The following WASF2 variants were observed in gnomAD, a reference collection of about 807,000 sequenced individuals.
WASF2 encodes the protein actin-binding protein WASF2.
Under a neutral mutation model 45.0 loss-of-function variants are expected in WASF2, and 14 were observed. The observed-to-expected ratio is 0.31, with a 90% CI of 0.21 to 0.49. The LOEUF is 0.49. WASF2 is among the 20% of genes least tolerant of loss of function. The pLI, the probability that WASF2 is intolerant of heterozygous loss-of-function variation, is 0.99. For synonymous variants in WASF2, 200 were observed against 236.3 expected, an observed-to-expected ratio of 0.85 and a Z score of 1.41; for missense variants, 439 against 636.1, an observed-to-expected ratio of 0.69 and a Z score of 3.33.
intron 1 of WASF2, among the ~76,000 whole-genome samples, chr1:27,441,032 A>G (rs916403292): frequency 6.6e-6 from 1 of 151,322 alleles, no homozygotes; most frequent in African/African-American, 2.4e-5. Context: ...ACGCTCAGCT[A>G]ATTTTTTGTA....
intron 2 of WASF2, among the ~76,000 whole-genome samples, chr1:27,427,856 G>A (rs1340496383): frequency 6.6e-6 from 1 of 152,086 alleles, no homozygotes; most frequent in Non-Finnish European, 1.5e-5. Context: ...ATGGCATTTT[G>A]ACGGAGGTTC....
At chr1:27,472,123 G>A (rs1185587904) in intron 1 of WASF2, among the ~76,000 whole-genome samples, 1 of 152,060 alleles carries the variant, frequency 6.6e-6, no homozygotes, top group East Asian at 1.9e-4. Context: ...ACGAGGTCAG[G>A]AGATGGAGAC....
At chr1:27,467,938 A>AT (rs894539760) in intron 1 of WASF2, among the ~76,000 whole-genome samples, 110 of 144,142 alleles carry the variant, frequency 7.6e-4, no homozygotes, top group Middle Eastern at 3.5e-3. Context: ...GTGCCAAATA[A>AT]TTTTTTTTTT....
chr1:27,473,991 G>C (rs374237536), intron 1 of WASF2, among the ~76,000 whole-genome samples: 1 of 152,178 alleles, frequency 6.6e-6, no homozygotes, highest in East Asian at 1.9e-4. Context: ...TGTGATGCGG[G>C]AGGAAACCAG....
intron 1 of WASF2, among the ~76,000 whole-genome samples, chr1:27,467,387 G>A (rs1320001947): frequency 2.1e-4 from 31 of 148,100 alleles, no homozygotes; most frequent in South Asian, 2.1e-4. Context: ...TGCAAGCTCC[G>A]CCTCCCGGGT....
In WASF2 at chr1:27,418,415, C is replaced by T. The variant is rs2016855611; in HGVS notation, c.273G>A (p.Leu91=). ...AGGCTTTTCGGGTGTTGATTCCTTG[C>T]AGTGACACTGAGAGAAGATGGAAGG... ...QLDPKEEEVS[L]QGINTRKAFR... is the part of the protein sequence containing the mutation. The change falls in exon 4 of 9, where the codon CTG becomes CTA. Residue 91 remains leucine (L), a synonymous_variant. Coordinates refer to ENST00000618852, the MANE Select transcript of WASF2 (RefSeq NM_006990.5). 1 of 1,614,196 alleles carries T rather than the reference C, an allele frequency of 6.2e-7. No individual in the cohort carries two copies. The highest frequency in any genetic ancestry group is 2.2e-5 in the East Asian group (1 of 44,882).
At chr1:27,418,867 GTTT>G in intron 3 of WASF2, 84 bp downstream of exon 3, 29 of 1,098,590 alleles carry the variant, frequency 2.6e-5, no homozygotes, top group Admixed American at 2.8e-5. Context: ...CTCTCCTCAC[GTTT>G]TTTTTTTTTT....
intron 2 of WASF2, among the ~76,000 whole-genome samples, chr1:27,420,751 G>GACCTCAGGTGATCTGCCC (rs2016898039): frequency 6.6e-6 from 1 of 151,938 alleles, no homozygotes; most frequent in Non-Finnish European, 1.5e-5. Context: ...TTGAACTCCT[G>GACCTCAGGTGATCTGCCC]ACCTCAGGTG....
chr1:27,445,881 T>C lies in WASF2; in HGVS notation c.-43-16948A>G, dbSNP rs139854598. On this transcript the variant is annotated intron_variant, in intron 1 of 8. Transcript: ENST00000618852. ...AAAGCACCTAATCTTCCATCTTCTT[T>C]TACAATGAACTAAAACACTCCTATG... is the stretch of plus-strand genomic sequence containing the variant. Among the ~76,000 whole-genome samples, 660 of 152,078 alleles carry C rather than the reference T, an allele frequency of 4.3e-3. 19 individuals carry two copies. The highest frequency in any genetic ancestry group is 0.038 in the Admixed American group (580 of 15,276).
intron 1 of WASF2, among the ~76,000 whole-genome samples, chr1:27,450,208 G>A (rs1359587774): frequency 1.3e-5 from 2 of 151,766 alleles, no homozygotes; most frequent in African/African-American, 4.8e-5. Flanking sequence ...TGCCACAACC[G>A]TCTCATTCTT....
chr1:27,440,869 C>T (rs1473877574), intron 1 of WASF2, among the ~76,000 whole-genome samples: 1 of 151,936 alleles, frequency 6.6e-6, no homozygotes, highest in African/African-American at 2.4e-5. Context: ...AAGATCATAA[C>T]ACTTTTTTTT....
intron 1 of WASF2, among the ~76,000 whole-genome samples, chr1:27,488,615 C>A (rs1436213638): frequency 1.3e-5 from 2 of 152,162 alleles, no homozygotes; most frequent in Non-Finnish European, 2.9e-5. Context: ...GGGACTTTTA[C>A]GACTTACAAA....
intron 3 of WASF2, 115 bp from the exon 4 acceptor site, chr1:27,418,537 G>A (rs1382492431): frequency 7.0e-7 from 1 of 1,433,408 alleles, no homozygotes; most frequent in Non-Finnish European, 9.5e-7. Context: ...GCTGTCCGCA[G>A]CCAGGCTTTT....
chr1:27,468,083 G>C (rs1246448040), intron 1 of WASF2, among the ~76,000 whole-genome samples: 2 of 152,034 alleles, frequency 1.3e-5, no homozygotes, highest in Non-Finnish European at 2.9e-5. Flanking sequence ...ACAGGCACAT[G>C]CCACCACAAG....
chr1:27,444,009 G>T (rs766704957), intron 1 of WASF2, among the ~76,000 whole-genome samples: 4 of 152,110 alleles, frequency 2.6e-5, no homozygotes, highest in African/African-American at 9.7e-5. Flanking sequence ...TCGAACTCCT[G>T]ACCTTGTGAT....
rs573596274 is a variant in WASF2, at chr1:27,489,631, C to G, written c.-44+355G>C. 5.9e-4 allele frequency among the ~76,000 whole-genome samples: 90 copies of G among 152,284 alleles called. 1 individual carries two copies. The highest frequency in any genetic ancestry group is 1.1e-3 in the Non-Finnish European group (76 of 68,030). On this transcript the variant is annotated intron_variant, in intron 1 of 8. Transcript: ENST00000618852. ...ACCCAACTCCTGTACATACATCTGC[C>G]GACGAAACCCTCGTTTTACACAGGG...
chr1:27,424,151 G>T (rs536722467), intron 2 of WASF2, among the ~76,000 whole-genome samples: 141 of 152,298 alleles, frequency 9.3e-4, no homozygotes, highest in African/African-American at 3.0e-3. Context: ...TCCATAATCA[G>T]ACTTTCACTA....
rs2016705115 is a variant in WASF2 at position 27,408,148 on chromosome 1, A to G, written c.*41T>C. The G allele has an allele frequency of 1.9e-6, 3 of 1,595,336 alleles. No homozygotes were observed. The highest frequency in any genetic ancestry group is 2.6e-6 in the Non-Finnish European group (3 of 1,167,336). On this transcript the variant is annotated 3_prime_UTR_variant, in exon 9 of 9. Coordinates refer to ENST00000618852, the MANE Select transcript of WASF2 (RefSeq NM_006990.5). ...GGGGTTGGCATCAAAGAAGGCAGGT[A>G]GGAAGGAAAGAAAAAGAAGGTGGGC...
chr1:27,449,132 G>A (rs903866192), intron 1 of WASF2, among the ~76,000 whole-genome samples: 2 of 152,080 alleles, frequency 1.3e-5, no homozygotes, highest in Non-Finnish European at 2.9e-5. Context: ...ATGCCATAAC[G>A]GTTCTCTAAA....
Sources: allele counts gnomAD v4.1 joint callset (sites outside exome capture counted in the v4.1 genomes callset), GRCh38; gene constraint gnomAD v4.1.1; transcripts MANE v1.5; gene names NCBI Gene and HGNC (gene_info 2026-07-23, HGNC 2026-07-21).